Variants in BNC2 observed in about 807,000 individuals in gnomAD.
BNC2 encodes zinc finger protein basonuclin-2.
Under a neutral mutation model 76.3 loss-of-function variants are expected in BNC2, and 20 were observed. The observed-to-expected ratio is 0.26, with a 90% CI of 0.18 to 0.38. The LOEUF (loss-of-function observed/expected upper bound fraction) is 0.38. Among genes scored for constraint, BNC2 ranks in the 10% least tolerant of loss-of-function variants. BNC2 has a pLI of 1.00. For missense variants in BNC2, 1,382 were observed against 1,399.8 expected (o/e 0.99, Z 0.20); for synonymous variants, 582 against 514.8 (o/e 1.13, Z -1.77).
At chr9:16,442,211 G>A (rs1821143113) in intron 5 of BNC2, among the ~76,000 whole-genome samples, 3 of 152,140 alleles carry the variant, frequency 2.0e-5, no homozygotes, top group African/African-American at 7.2e-5. Context: ...AAAATAACTG[G>A]CTATACTGTT....
rs370182283 is a variant in BNC2, at chr9:16,463,085, G to A, written c.670-25561C>T. ...TTACTACTGAAAGCAATGTTGTTCT[G>A]AAAGGTGTGCAGGGAGACTAGTACA... is the stretch of plus-strand genomic sequence containing the variant. On this transcript the variant is annotated intron_variant, in intron 5 of 6. Transcript: ENST00000380672. Among the ~76,000 whole-genome samples, 243 of 152,106 alleles carry A rather than the reference G, an allele frequency of 1.6e-3. 1 individual carries two copies. The highest frequency in any genetic ancestry group is 5.6e-3 in the African/African-American group (234 of 41,492).
At position 16,419,421 on chromosome 9, in the gene BNC2, G is replaced by A. The variant is rs1331378537; in HGVS notation, c.2868C>T (p.Asp956=). The change falls in exon 7 of 7, where the codon GAC becomes GAT. Residue 956 remains aspartate (D), a synonymous_variant. Transcript: ENST00000380672. Reference sequence around the variant, plus strand: ...TGGTGCTCAAGTCAAGGACCATGTAGTCCTCTGCCATGCCTCTCCCATACC... The same window carrying A: ...TGGTGCTCAAGTCAAGGACCATGTAATCCTCTGCCATGCCTCTCCCATACC... The part of the protein sequence containing the change: ...LNGYGRGMAE[D]YMVLDLSTTS... 2 of 1,606,410 alleles carry A rather than the reference G, an allele frequency of 1.2e-6. No homozygotes were observed. The highest frequency in any genetic ancestry group is 1.7e-6 in the Non-Finnish European group (2 of 1,175,978).
At chr9:16,695,595 G>C (rs1226136828) in intron 3 of BNC2, among the ~76,000 whole-genome samples, 3 of 137,616 alleles carry the variant, frequency 2.2e-5, no homozygotes, top group Non-Finnish European at 4.6e-5. Context: ...GGCTGGTCTT[G>C]AACTCCTGGC....
chr9:16,736,005 G>T (rs10962556), intron 2 of BNC2, among the ~76,000 whole-genome samples: 2 of 151,362 alleles, frequency 1.3e-5, no homozygotes, highest in African/African-American at 2.4e-5. Flanking sequence ...AGGCCAAGGC[G>T]GGTGGATCAC....
chr9:16,598,589 A>G (rs1405947230), intron 3 of BNC2, among the ~76,000 whole-genome samples: 1 of 152,222 alleles, frequency 6.6e-6, no homozygotes, highest in Non-Finnish European at 1.5e-5. Context: ...TACACTAGAA[A>G]TAAGTACCTT....
At chr9:16,669,359 G>A (rs1822404814) in intron 3 of BNC2, among the ~76,000 whole-genome samples, 1 of 152,184 alleles carries the variant, frequency 6.6e-6, no homozygotes, top group South Asian at 2.1e-4. Context: ...CCCTAAAGGT[G>A]CTAAGGTATG....
chr9:16,805,899 T>C (rs555051627), intron 1 of BNC2, among the ~76,000 whole-genome samples: 2 of 152,164 alleles, frequency 1.3e-5, no homozygotes, highest in Admixed American at 1.3e-4. Flanking sequence ...TTTACCTATA[T>C]TGGTAACTGA....
At chr9:16,635,482 TA>T (rs1266669919) in intron 3 of BNC2, among the ~76,000 whole-genome samples, 2 of 152,234 alleles carry the variant, frequency 1.3e-5, no homozygotes, top group African/African-American at 4.8e-5. Flanking sequence ...TAACAGCAAG[TA>T]TTTTTTCATT....
chr9:16,568,060 G>A (rs555048680), intron 4 of BNC2, among the ~76,000 whole-genome samples: 18 of 152,216 alleles, frequency 1.2e-4, no homozygotes, highest in South Asian at 2.1e-4. Flanking sequence ...TTGGGAGAAA[G>A]CCAAGTGAGC....
At chr9:16,680,574 TAA>T (rs370833130) in intron 3 of BNC2, among the ~76,000 whole-genome samples, 2 of 139,622 alleles carry the variant, frequency 1.4e-5, no homozygotes, top group African/African-American at 2.6e-5. Context: ...TTTAAATGTT[TAA>T]AAAAAAAAAA....
At chr9:16,669,964 T>C (rs1822426062) in intron 3 of BNC2, among the ~76,000 whole-genome samples, 1 of 152,202 alleles carries the variant, frequency 6.6e-6, no homozygotes, top group Non-Finnish European at 1.5e-5. Context: ...CCAATAAAAA[T>C]ATGTAACTAC....
chr9:16,497,806 C>A (rs1421341543), intron 5 of BNC2, among the ~76,000 whole-genome samples: 2 of 152,078 alleles, frequency 1.3e-5, no homozygotes, highest in African/African-American at 4.8e-5. Flanking sequence ...AACAATTATA[C>A]AGAAAAACGC....
At chr9:16,606,546 G>C (rs1159861014) in intron 3 of BNC2, among the ~76,000 whole-genome samples, 2 of 150,794 alleles carry the variant, frequency 1.3e-5, no homozygotes, top group Admixed American at 6.6e-5. Context: ...TTTTTTGTGG[G>C]TAGGGGGACG....
At chr9:16,457,972 T>C (rs559893874) in intron 5 of BNC2, among the ~76,000 whole-genome samples, 43 of 152,316 alleles carry the variant, frequency 2.8e-4, no homozygotes, top group African/African-American at 1.0e-3. Flanking sequence ...TAGGTGGCCT[T>C]AAGCTCAGTT....
chr9:16,507,341 C>G (rs1382622346), intron 5 of BNC2, among the ~76,000 whole-genome samples: 1 of 147,688 alleles, frequency 6.8e-6, no homozygotes, highest in African/African-American at 2.5e-5. Flanking sequence ...CTTGGCTCAG[C>G]CTACGCCTCC....
intron 5 of BNC2, among the ~76,000 whole-genome samples, chr9:16,440,961 A>C (rs1821115415): frequency 6.6e-6 from 1 of 152,250 alleles, no homozygotes; most frequent in African/African-American, 2.4e-5. Context: ...AATAGACTTA[A>C]GAACGGGACA....
At chr9:16,484,168 T>G (rs1239628229) in intron 5 of BNC2, among the ~76,000 whole-genome samples, 6 of 152,150 alleles carry the variant, frequency 3.9e-5, no homozygotes. Context: ...ATTAACTCTG[T>G]CTCTTGTTAA....
intron 1 of BNC2, among the ~76,000 whole-genome samples, chr9:16,865,479 C>T (rs748700263): frequency 6.6e-6 from 1 of 152,246 alleles, no homozygotes; most frequent in Non-Finnish European, 1.5e-5. Flanking sequence ...ACCAGGCAAA[C>T]TTTTTGTAAT....
intron 3 of BNC2, among the ~76,000 whole-genome samples, chr9:16,713,002 G>C (rs912079878): frequency 6.6e-6 from 1 of 152,200 alleles, no homozygotes; most frequent in Non-Finnish European, 1.5e-5. Flanking sequence ...TCAGGAAATG[G>C]GGAATTCCTT....
Sources: allele counts gnomAD v4.1 joint callset (sites outside exome capture counted in the v4.1 genomes callset), GRCh38; gene constraint gnomAD v4.1.1; transcripts MANE v1.5; gene names NCBI Gene and HGNC (gene_info 2026-07-23, HGNC 2026-07-21).